Variants in RGS3 observed in about 807,000 individuals in gnomAD.
RGS3 encodes regulator of G protein signaling 3.
Under a neutral mutation model 132.6 loss-of-function variants are expected in RGS3, and 80 were observed. The ratio of observed to expected loss-of-function variants is 0.60; its 90% CI spans 0.50 to 0.73. The LOEUF (loss-of-function observed/expected upper bound fraction) is 0.73, where lower values mean the gene tolerates loss of function less well. Among genes scored for constraint, RGS3 ranks in the 30% least tolerant of loss-of-function variants. RGS3 has a pLI of 0.00. For synonymous variants in RGS3, 598 were observed against 620.6 expected, an observed-to-expected ratio of 0.96 and a Z score of 0.54; for missense variants, 1,382 against 1,530.8, an observed-to-expected ratio of 0.90 and a Z score of 1.62.
At chr9:113,596,643 G>C (rs904729250) in intron 24 of RGS3, 125 bp from the exon 23 acceptor site, 2 of 744,100 alleles carry the variant, frequency 2.7e-6, no homozygotes, top group African/African-American at 3.5e-5. Context: ...TACTTCAGAT[G>C]AACCTTAAGA....
chr9:113,508,435 G>A, intron 13 of RGS3, 106 bp from the exon 12 acceptor site: 3 of 1,120,674 alleles, frequency 2.7e-6, no homozygotes, highest in Non-Finnish European at 4.0e-6. Context: ...CTTGTGCCCT[G>A]AGGTGCTCCA....
chr9:113,575,003 TA>T (rs1176684149), intron 19 of RGS3, among the ~76,000 whole-genome samples: 2 of 152,138 alleles, frequency 1.3e-5, no homozygotes, highest in African/African-American at 4.8e-5. Context: ...GGACAAAGAC[TA>T]CGAGTCCACC....
chr9:113,532,127 G>A (rs760973465), intron 18 of RGS3, among the ~76,000 whole-genome samples: 18 of 152,194 alleles, frequency 1.2e-4, no homozygotes, highest in Non-Finnish European at 2.2e-4. Context: ...AGGAGGCACC[G>A]TCTGAGTGAG....
exon 20 of RGS3, chr9:113,584,414 C>T (rs1447874944): frequency 1.3e-6 from 2 of 1,513,784 alleles, no homozygotes; most frequent in Non-Finnish European, 1.8e-6. Context: ...CTCTTCTTCA[C>T]AGGACACAGG....
intron 3 of RGS3, among the ~76,000 whole-genome samples, chr9:113,466,422 C>A (rs572439403): frequency 6.6e-6 from 1 of 152,164 alleles, no homozygotes; most frequent in African/African-American, 2.4e-5. Flanking sequence ...GAATTCCCTT[C>A]GGGGAGAGTA....
At chr9:113,515,893 T>C (rs1303450774) in intron 15 of RGS3, among the ~76,000 whole-genome samples, 1 of 152,262 alleles carries the variant, frequency 6.6e-6, no homozygotes, top group Non-Finnish European at 1.5e-5. Context: ...ACCAGTTCTG[T>C]ATTCAGATAC....
At chr9:113,567,038 G>A (rs1476181668) in intron 19 of RGS3, among the ~76,000 whole-genome samples, 3 of 152,264 alleles carry the variant, frequency 2.0e-5, no homozygotes, top group African/African-American at 7.2e-5. Context: ...CTTCTGAGAA[G>A]CAGGCAGATT....
chr9:113,564,683 A>C (rs1564575408), intron 19 of RGS3, among the ~76,000 whole-genome samples: 1 of 152,116 alleles, frequency 6.6e-6, no homozygotes, highest in Admixed American at 6.5e-5. Flanking sequence ...TTACAGTCCA[A>C]ACTGCCCTCC....
intron 19 of RGS3, among the ~76,000 whole-genome samples, chr9:113,560,266 A>G (rs1833734574): frequency 6.6e-6 from 1 of 152,160 alleles, no homozygotes; most frequent in Non-Finnish European, 1.5e-5. Context: ...AGGAAGGGGA[A>G]CGGGCTTACC....
At chr9:113,487,067 CCAGGGGTTAA>C (rs2119238386) in intron 7 of RGS3, among the ~76,000 whole-genome samples, 1 of 144,068 alleles carries the variant, frequency 6.9e-6, no homozygotes, top group African/African-American at 2.5e-5. Context: ...TGACCTGGAG[CCAGGGGTTAA>C]CAGTGCATTG....
At chr9:113,496,327 G>A (rs1262084041) in intron 8 of RGS3, among the ~76,000 whole-genome samples, 2 of 152,108 alleles carry the variant, frequency 1.3e-5, no homozygotes, top group East Asian at 3.9e-4. Flanking sequence ...GACTCTTTGG[G>A]ACCCAAGACT....
chr9:113,493,206 C>A (rs1830576854), intron 7 of RGS3, among the ~76,000 whole-genome samples: 1 of 152,224 alleles, frequency 6.6e-6, no homozygotes, highest in Admixed American at 6.5e-5. Context: ...CAACTGCCTC[C>A]TATTAGTGCT....
intron 16 of RGS3, among the ~76,000 whole-genome samples, chr9:113,517,939 A>G (rs557450873): frequency 6.6e-6 from 1 of 152,274 alleles, no homozygotes; most frequent in African/African-American, 2.4e-5. Flanking sequence ...GTGGGGAGTG[A>G]CTTTGGTGGC....
chr9:113,584,007 C>T (rs3810927), exon 20 of RGS3: 292,222 of 1,613,918 alleles, frequency 0.18, 27,489 homozygotes, highest in Middle Eastern at 0.24. Flanking sequence ...ATAGCACCTA[C>T]AGCCAGAAGG....
Position 113,507,755 on chromosome 9 carries a change from A to G in RGS3, c.1437+117A>G. On this transcript the variant is annotated intron_variant, in intron 13 of 24. Coordinates refer to ENST00000350696, the Ensembl canonical transcript of RGS3. The surrounding 1 kb of genome is among the most constrained non-coding windows in gnomAD (Gnocchi z 5.0). ...CCTGTGAGGGGCTGCGATGTTGGGCAAGGAGATGGGGTATGTGCTAGCTCT... is the reference window on the plus strand; with the variant it reads ...CCTGTGAGGGGCTGCGATGTTGGGCGAGGAGATGGGGTATGTGCTAGCTCT... 1.2e-6 allele frequency: 1 copy of G among 823,070 alleles called. No individual in the cohort carries two copies. The highest frequency in any genetic ancestry group is 2.8e-5 in the East Asian group (1 of 36,218). 51.0% of individuals were successfully genotyped at this position (823,070 alleles called of 1,614,324 possible).
chr9:113,494,987 G>T (rs1440950029), intron 7 of RGS3, among the ~76,000 whole-genome samples: 1 of 152,002 alleles, frequency 6.6e-6, no homozygotes, highest in African/African-American at 2.4e-5. Flanking sequence ...TGACTCTCCT[G>T]CCTCAGCCTC....
intron 18 of RGS3, among the ~76,000 whole-genome samples, chr9:113,531,443 T>G (rs1832460129): frequency 6.6e-6 from 1 of 152,102 alleles, no homozygotes; most frequent in Admixed American, 6.5e-5. Flanking sequence ...TGCAGGGTTG[T>G]GGTAATGATT....
intron 15 of RGS3, among the ~76,000 whole-genome samples, chr9:113,515,548 T>C (rs1344988943): frequency 6.6e-6 from 1 of 152,006 alleles, no homozygotes; most frequent in African/African-American, 2.4e-5. Context: ...GGAGAATCGC[T>C]TGAACCTGGG....
At chr9:113,554,041 G>T (rs572898101) in intron 19 of RGS3, among the ~76,000 whole-genome samples, 17 of 152,224 alleles carry the variant, frequency 1.1e-4, no homozygotes, top group African/African-American at 4.1e-4. Flanking sequence ...CTACCGAAGT[G>T]CTCTAAAAAA....
Sources: allele counts gnomAD v4.1 joint callset (sites outside exome capture counted in the v4.1 genomes callset), GRCh38; gene constraint gnomAD v4.1.1; non-coding constraint Gnocchi (gnomAD v3.1); transcripts MANE v1.5; gene names NCBI Gene and HGNC (gene_info 2026-07-23, HGNC 2026-07-21).